ITGA7: variants seen among roughly 807,000 people sequenced by gnomAD.
ITGA7 encodes integrin alpha-7.
ITGA7 carries 84 observed loss-of-function variants against 131.6 expected under a neutral mutation model. That is an observed-to-expected ratio of 0.64 (90% confidence interval 0.54 to 0.77). The LOEUF is 0.77. Ranked by LOEUF, ITGA7 falls within the 30% of genes least tolerant of loss-of-function variation. ITGA7 has a pLI of 0.00. For synonymous variants in ITGA7, 548 were observed against 600.7 expected (o/e 0.91, Z 1.28); for missense variants, 1,399 against 1,482.9 (o/e 0.94, Z 0.93).
rs746986308 is a variant in ITGA7 at position 55,694,675 on chromosome 12, G to A, written c.2217C>T (p.Ser739=). 1.7e-5 allele frequency: 27 copies of A among 1,614,130 alleles called. 1 individual carries two copies. In the Middle Eastern group the frequency reaches 1.8e-3, roughly 108 times the overall value. ...ACTCAACATGGGAGGCATTCTCATT[G>A]GACAGGCAGAGTGGCTTCTCCTGGA... ...LDPAEKPLCL[S]NENASHVECE... Residue 739 remains serine, a synonymous_variant, in exon 16 of 25, where the codon TCC becomes TCT. Transcript: ENST00000257879. This position sits in a 1 kb window ranked among gnomAD's most constrained non-coding sequence, Gnocchi z 5.3.
intron 21 of ITGA7, among the ~76,000 whole-genome samples, chr12:55,692,234 T>C (rs1871578778): frequency 6.6e-6 from 1 of 152,124 alleles, no homozygotes; most frequent in Non-Finnish European, 1.5e-5. Flanking sequence ...CTGGCCAACA[T>C]GGTGAAACCC....
Position 55,697,544 on chromosome 12 carries a change from G to A in ITGA7, c.1412C>T (p.Ala471Val). ...SLADTAVLFRARPILHVSHEV... is the reference protein window; with the variant it reads ...SLADTAVLFRVRPILHVSHEV... ...ATGGGAGACATGGAGGATGGGTCTG[G>A]CCCTGGGATTGGGGAGTCAAGAGCA... The change falls in exon 10 of 25, where the codon GCC (alanine) becomes GTC (valine). Residue 471 changes from alanine (A) to valine (V), a missense_variant and splice_region_variant. Coordinates refer to ENST00000257879, the MANE Select transcript of ITGA7 (RefSeq NM_002206.3). The A allele has an allele frequency of 6.2e-7, 1 of 1,613,736 alleles. No homozygotes were observed. Among genetic ancestry groups the A allele is most frequent in the Non-Finnish European group, 8.5e-7 (1 of 1,179,802 alleles).
intron 12 of ITGA7, 126 bp from the exon 13 acceptor site, chr12:55,696,558 G>C: frequency 1.1e-4 from 112 of 1,054,310 alleles, no homozygotes; most frequent in Middle Eastern, 2.2e-4. Context: ...AATGAGAGAG[G>C]TGGAGAACTG....
chr12:55,701,278 C>T (rs1366653263), intron 3 of ITGA7, 124 bp from the exon 4 acceptor site: 3 of 1,563,450 alleles, frequency 1.9e-6, no homozygotes, highest in Non-Finnish European at 2.6e-6. Flanking sequence ...CATGCACATG[C>T]ACACATACAC....
At chr12:55,716,233 C>G (rs1188054531), upstream of ITGA7, 14 of 1,574,566 alleles carry the variant, frequency 8.9e-6, no homozygotes, top group African/African-American at 1.4e-5. Context: ...TTCTCTTCGG[C>G]CGCGGCCTAG....
In ITGA7 at chr12:55,707,574, C is replaced by T. The variant is rs1051430989; in HGVS notation, c.109G>A (p.Asp37Asn). The part of the protein sequence containing the change: ...LFSRAVAFNL[D>N]VMGALRKEGE... ...TCCTTGCGCAAGGCACCCATCACGTCCAGATTGAAGGCGACAGCCCGTGAG... is the reference window on the plus strand; with the variant it reads ...TCCTTGCGCAAGGCACCCATCACGTTCAGATTGAAGGCGACAGCCCGTGAG... Residue 37 changes from aspartate (D) to asparagine (N), a missense_variant, in exon 1 of 25, where the codon GAC becomes AAC. Coordinates refer to ENST00000257879, the MANE Select transcript of ITGA7 (RefSeq NM_002206.3). 2 of 1,613,882 alleles carry T rather than the reference C, an allele frequency of 1.2e-6. No homozygotes were observed. Among genetic ancestry groups the T allele is most frequent in the South Asian group, 2.2e-5 (2 of 91,052 alleles).
chr12:55,696,222 G>A, intron 13 of ITGA7, 61 bp downstream of exon 13: 1 of 1,516,864 alleles, frequency 6.6e-7, no homozygotes, highest in South Asian at 1.2e-5. Flanking sequence ...TCACTGGGGA[G>A]GGACCATGAT....
At chr12:55,691,943 C>A (rs1033301213) in intron 21 of ITGA7, among the ~76,000 whole-genome samples, 3 of 152,132 alleles carry the variant, frequency 2.0e-5, no homozygotes, top group African/African-American at 4.8e-5. Flanking sequence ...ATTCTCACTG[C>A]GAGCCCCATC....
In ITGA7 at chr12:55,686,253, C is replaced by T. The variant is rs1395345518; in HGVS notation, c.3184-965G>A. ...CATGGCTGAAGGCTGCACAGCCAGA[C>T]AGGCCCGGTGATAGTTGGTGGGAAA... On this transcript the variant is annotated intron_variant, in intron 24 of 24. Transcript: ENST00000257879. 3.7e-6 allele frequency: 5 copies of T among 1,349,974 alleles called. No individual in the cohort carries two copies. In the South Asian group the frequency reaches 5.7e-5, roughly 15 times the overall value. 83.6% of individuals were successfully genotyped at this position (1,349,974 alleles called of 1,614,324 possible). A position where few individuals can be genotyped will look rare whatever the true frequency, so the allele number is the denominator to read the frequency against.
At chr12:55,697,882 G>A in intron 8 of ITGA7, 56 bp downstream of exon 8, 1 of 1,614,048 alleles carries the variant, frequency 6.2e-7, no homozygotes, top group Non-Finnish European at 8.5e-7. Context: ...TGCCTCCCCT[G>A]ATGCCTCTGC....
In ITGA7 at chr12:55,696,295, G is replaced by C. The variant is rs964120618; in HGVS notation, c.1875C>G (p.Thr625=). ...AACCCATGCTCACCTCTGCCCGCTG[G>C]GTGCTGGGCTGGTGGGCATTGAGGA... ...APILNAHQPS[T]QRAEIHFLKQ... Residue 625 remains threonine, a synonymous_variant, in exon 13 of 25, where the codon ACC becomes ACG. Coordinates refer to ENST00000257879, the MANE Select transcript of ITGA7 (RefSeq NM_002206.3). 1.3e-6 allele frequency: 2 copies of C among 1,575,846 alleles called. No homozygotes were observed. The highest frequency in any genetic ancestry group is 2.7e-5 in the African/African-American group (2 of 74,302).
At chr12:55,700,120 G>T (rs1873644949) in intron 4 of ITGA7, 131 bp from the exon 5 acceptor site, 1 of 1,421,668 alleles carries the variant, frequency 7.0e-7, no homozygotes, top group Non-Finnish European at 9.7e-7. Context: ...AGAGACCAGA[G>T]AGATCACAGC....
In ITGA7 at chr12:55,699,926, T is replaced by C. The variant is rs1366739729; in HGVS notation, c.734A>G (p.Asp245Gly). Residue 245 changes from aspartate to glycine, a missense_variant, in exon 5 of 25, where the codon GAC (aspartate) becomes GGC (glycine). Asp to Gly is a moderately conservative substitution (Grantham distance 94). Transcript: ENST00000257879. ...DPDQLVYKTL[D>G]PADRLPGPAG... ...TGGTCCTGGGAGCCGGTCAGCAGGG[T>C]CCAAAGTTTTATACACCAGCTGGTC... is the stretch of plus-strand genomic sequence containing the variant. The C allele has an allele frequency of 1.2e-6, 2 of 1,613,544 alleles. No homozygotes were observed. Among genetic ancestry groups the C allele is most frequent in the South Asian group, 1.1e-5 (1 of 90,982 alleles).
intron 22 of ITGA7, 107 bp downstream of exon 22, chr12:55,688,737 G>T (rs868009304): frequency 2.0e-4 from 162 of 797,862 alleles, no homozygotes; most frequent in African/African-American, 1.7e-3. Flanking sequence ...AAAAAAAAAA[G>T]GGGGGGGATG....
At position 55,688,269 on chromosome 12, in the gene ITGA7, A is replaced by G. The variant is rs112392939; in HGVS notation, c.2990T>C (p.Ile997Thr). The part of the protein sequence containing the change: ...EYSAVKSLEV[I>T]VRANITVKSS... ...CTTCACTGTGATGTTGGCCCGGACA[A>G]TCACTTCCAGGGACTTCACAGCTGA... is the stretch of plus-strand genomic sequence containing the variant. The change falls in exon 23 of 25, where the codon ATT becomes ACT. Residue 997 changes from isoleucine to threonine, a missense_variant. By Grantham distance (89) the Ile-to-Thr change is moderately conservative. Coordinates refer to ENST00000257879, the MANE Select transcript of ITGA7 (RefSeq NM_002206.3). 15 of 1,614,118 alleles carry G rather than the reference A, an allele frequency of 9.3e-6. No homozygotes were observed. In the African/African-American group the frequency reaches 1.3e-4, roughly 14 times the overall value.
At position 55,700,880 on chromosome 12, in the gene ITGA7, T is replaced by C; in HGVS notation, c.670+19A>G. ...AGGAGGTTTTGGTCCCCTTCTCCCC[T>C]TCCCGAGGAGTGACTCACCCTTCCA... On this transcript the variant is annotated intron_variant, in intron 4 of 24. Transcript: ENST00000257879. The C allele has an allele frequency of 6.2e-7, 1 of 1,614,182 alleles. No homozygotes were observed. The highest frequency in any genetic ancestry group is 1.3e-5 in the African/African-American group (1 of 75,050).
At position 55,684,942 on chromosome 12, in the gene ITGA7, C is replaced by G; in HGVS notation, c.*116G>C. On this transcript the variant is annotated 3_prime_UTR_variant, in exon 25 of 25. Coordinates refer to ENST00000257879, the MANE Select transcript of ITGA7 (RefSeq NM_002206.3). ...GAGAGGTCTGTGCCCCTGAGGAAGC[C>G]GATCCTGCCAAATCTTGATGCGACA... 1 of 873,714 alleles carries G rather than the reference C, an allele frequency of 1.1e-6. No homozygotes were observed. The highest frequency in any genetic ancestry group is 1.7e-6 in the Non-Finnish European group (1 of 584,858). 54.1% of individuals were successfully genotyped at this position (873,714 alleles called of 1,614,324 possible).
chr12:55,694,102 G>A lies in ITGA7; in HGVS notation c.2454C>T (p.Leu818=), dbSNP rs569417690. 8.1e-6 allele frequency: 13 copies of A among 1,614,234 alleles called. No individual in the cohort carries two copies. The highest frequency in any genetic ancestry group is 1.0e-5 in the Non-Finnish European group (12 of 1,180,032). Residue 818 remains leucine, a synonymous_variant, in exon 19 of 25, where the codon CTC becomes CTT. Coordinates refer to ENST00000257879, the MANE Select transcript of ITGA7 (RefSeq NM_002206.3). This position sits in a 1 kb window ranked among gnomAD's most constrained non-coding sequence, Gnocchi z 5.3. ...SIAGMAIPQQ[L]FFSGVVRGER... Reference sequence around the variant, plus strand: ...CGCCCCTCACCACACCAGAGAAGAAGAGTTGCTGGGGAATGGCCATTCTGG... The same window carrying A: ...CGCCCCTCACCACACCAGAGAAGAAAAGTTGCTGGGGAATGGCCATTCTGG...
chr12:55,715,946 C>T, upstream of ITGA7: 2 of 1,365,730 alleles, frequency 1.5e-6, no homozygotes, highest in Non-Finnish European at 1.9e-6. Flanking sequence ...ATAAAGAACA[C>T]TTCACCTGCC....
Sources: gnomAD v4.1 joint callset for allele counts (sites outside exome capture counted in the v4.1 genomes callset) on GRCh38, gnomAD v4.1.1 for gene constraint, Gnocchi (gnomAD v3.1) non-coding constraint, MANE v1.5 for transcripts, NCBI Gene and HGNC (gene_info 2026-07-23, HGNC 2026-07-21) for gene names.